The following TRMT10B variants were observed in gnomAD, a reference collection of about 807,000 sequenced individuals.
TRMT10B encodes the protein tRNA methyltransferase 10 homolog B.
A neutral mutation model predicts 43.8 loss-of-function variants in TRMT10B; 33 were observed. The ratio of observed to expected loss-of-function variants is 0.75; its 90% CI spans 0.57 to 1.01. TRMT10B has a LOEUF of 1.01. Ranked by LOEUF, TRMT10B falls within the 50% of genes least tolerant of loss-of-function variation. The probability of loss-of-function intolerance (pLI) is 0.00; values close to 1 mark genes in which losing one functional copy is unlikely to be tolerated. For synonymous variants in TRMT10B, 137 were observed against 130.6 expected (o/e 1.05, Z -0.34); for missense variants, 362 against 369.8 (o/e 0.98, Z 0.17).
intron 7 of TRMT10B, among the ~76,000 whole-genome samples, chr9:37,772,251 A>C (rs1331733094): frequency 6.6e-6 from 1 of 152,062 alleles, no homozygotes. Flanking sequence ...GGACTCAAGC[A>C]ATCTACTCAC....
chr9:37,768,964 T>G (rs576441029), intron 5 of TRMT10B, among the ~76,000 whole-genome samples: 1 of 152,302 alleles, frequency 6.6e-6, no homozygotes, highest in African/African-American at 2.4e-5. Flanking sequence ...CTTCGTGCCT[T>G]TCTTAGTCCC....
At position 37,777,696 on chromosome 9, in the gene TRMT10B, T is replaced by G. The variant is rs1233991809; in HGVS notation, c.940T>G (p.Ser314Ala). The G allele has an allele frequency of 2.5e-6, 4 of 1,613,698 alleles. No homozygotes were observed. The highest frequency in any genetic ancestry group is 3.4e-6 in the Non-Finnish European group (4 of 1,179,804). ...SSGKGYILRN[S>A]VE ...AGGAAAAGGCTATATTCTTCGGAAC[T>G]CAGTGGAATGATGGGCCTAAGATTG... Residue 314 changes from serine to alanine, a missense_variant, in exon 9 of 9, where the codon TCA (serine) becomes GCA (alanine). Physicochemically the swap from Ser to Ala is moderately conservative, Grantham distance 99 (BLOSUM62 1). Coordinates refer to ENST00000297994, the MANE Select transcript of TRMT10B (RefSeq NM_144964.4).
chr9:37,763,926 C>A, intron 4 of TRMT10B, 173 bp downstream of exon 4: 1 of 1,337,512 alleles, frequency 7.5e-7, no homozygotes, highest in Non-Finnish European at 1.0e-6. Context: ...TGTAACGAAC[C>A]TGGAAGAGAA....
Position 37,771,582 on chromosome 9 carries a change from C to T in TRMT10B, c.720+843C>T, listed in dbSNP as rs148713152. Among the ~76,000 whole-genome samples the T allele has an allele frequency of 3.7e-3, 566 of 152,264 alleles. 5 individuals carry two copies. The highest frequency in any genetic ancestry group is 0.013 in the African/African-American group (547 of 41,554). On this transcript the variant is annotated intron_variant, in intron 7 of 8. Coordinates refer to ENST00000297994, the MANE Select transcript of TRMT10B (RefSeq NM_144964.4). ...GACTCCATAGTGATCATCTAAAATA[C>T]GAGCAGGGGCTACTTACAGAAGAAT... is the stretch of plus-strand genomic sequence containing the variant.
intron 5 of TRMT10B, 33 bp from the exon 6 acceptor site, chr9:37,769,908 C>G (rs1301829345): frequency 1.3e-6 from 2 of 1,578,680 alleles, no homozygotes; most frequent in African/African-American, 2.7e-5. Flanking sequence ...CAGCCGTGAG[C>G]TGTTTTAACA....
Position 37,777,600 on chromosome 9 carries a change from G to C in TRMT10B, c.845-1G>C. The C allele has an allele frequency of 6.2e-7, 1 of 1,609,648 alleles. No individual in the cohort carries two copies. Among genetic ancestry groups the C allele is most frequent in the Non-Finnish European group, 8.5e-7 (1 of 1,176,126 alleles). ...TGTGTTTTCTGTTTACTCTCTAACA[G>C]TGTTTGATATCCTGTCCACTTACTT... On this transcript the variant is annotated splice_acceptor_variant, in intron 8 of 8. Coordinates refer to ENST00000297994, the MANE Select transcript of TRMT10B (RefSeq NM_144964.4). LOFTEE classifies it high-confidence loss of function.
intron 1 of TRMT10B, among the ~76,000 whole-genome samples, chr9:37,756,265 A>AGT (rs1277308088): frequency 6.6e-6 from 1 of 152,246 alleles, no homozygotes; most frequent in African/African-American, 2.4e-5. Context: ...TGAAGTTGTC[A>AGT]GTTAAAGATT....
intron 7 of TRMT10B, 152 bp from the exon 8 acceptor site, chr9:37,776,130 A>C: frequency 1.5e-6 from 1 of 650,512 alleles, no homozygotes; most frequent in South Asian, 4.0e-5. Flanking sequence ...CCAAAAAGTA[A>C]GATATTGTCA....
intron 3 of TRMT10B, among the ~76,000 whole-genome samples, chr9:37,763,154 A>AC (rs1349038705): frequency 5.8e-4 from 68 of 118,222 alleles, no homozygotes; most frequent in African/African-American, 1.6e-3. Context: ...AAAAAAAAAA[A>AC]AAAAAAAAAA....
Position 37,777,726 on chromosome 9 carries a change from T to C in TRMT10B, c.*19T>C. ...GGAATGATGGGCCTAAGATTGCAGCTGCGTGGCCAGGTGCTCACGCCGTAA... is the reference window on the plus strand; with the variant it reads ...GGAATGATGGGCCTAAGATTGCAGCCGCGTGGCCAGGTGCTCACGCCGTAA... On this transcript the variant is annotated 3_prime_UTR_variant, in exon 9 of 9. Coordinates refer to ENST00000297994, the MANE Select transcript of TRMT10B (RefSeq NM_144964.4). 6.2e-7 allele frequency: 1 copy of C among 1,602,956 alleles called. No individual in the cohort carries two copies. Among genetic ancestry groups the C allele is most frequent in the Non-Finnish European group, 8.5e-7 (1 of 1,170,020 alleles).
At chr9:37,777,135 G>A (rs1439642193) in intron 8 of TRMT10B, among the ~76,000 whole-genome samples, 3 of 138,072 alleles carry the variant, frequency 2.2e-5, no homozygotes, top group Admixed American at 1.5e-4. Context: ...TGCAGGTTGC[G>A]GTGAGCTGAG....
At chr9:37,760,794 T>C (rs139824097) in intron 1 of TRMT10B, among the ~76,000 whole-genome samples, 127 of 152,348 alleles carry the variant, frequency 8.3e-4, no homozygotes, top group African/African-American at 2.7e-3. Context: ...TTTTAAGATA[T>C]ATTTTTCATA....
intron 1 of TRMT10B, among the ~76,000 whole-genome samples, chr9:37,760,311 G>A (rs1170320378): frequency 1.3e-5 from 2 of 152,184 alleles, no homozygotes; most frequent in African/African-American, 4.8e-5. Flanking sequence ...GACAGTGTGA[G>A]ACTCCATCTC....
At chr9:37,765,772 T>G (rs1036793617) in intron 4 of TRMT10B, among the ~76,000 whole-genome samples, 3 of 152,158 alleles carry the variant, frequency 2.0e-5, no homozygotes, top group Admixed American at 6.5e-5. Flanking sequence ...TTTTAATGAT[T>G]GCCATTCTAA....
At chr9:37,758,817 AAC>A (rs996045421) in intron 1 of TRMT10B, among the ~76,000 whole-genome samples, 14 of 152,214 alleles carry the variant, frequency 9.2e-5, no homozygotes, top group African/African-American at 3.4e-4. Flanking sequence ...AGGGAAAAGA[AAC>A]ACACAAGCTA....
chr9:37,755,582 T>C (rs1387222499), intron 1 of TRMT10B, among the ~76,000 whole-genome samples: 1 of 152,246 alleles, frequency 6.6e-6, no homozygotes, highest in Non-Finnish European at 1.5e-5. Context: ...CCAGGCCTTA[T>C]GCCAGACAAC....
At chr9:37,763,143 C>CAAAAAAAAAAAAAAA (rs747893643) in intron 3 of TRMT10B, among the ~76,000 whole-genome samples, 13 of 50,178 alleles carry the variant, frequency 2.6e-4, no homozygotes, top group Non-Finnish European at 4.7e-4. Flanking sequence ...GACTCTGTCT[C>CAAAAAAAAAAAAAAA]AAAAAAAAAA....
chr9:37,756,577 G>A (rs1013139344), intron 1 of TRMT10B, among the ~76,000 whole-genome samples: 2 of 151,754 alleles, frequency 1.3e-5, no homozygotes, highest in Admixed American at 6.6e-5. Context: ...GTGGTGGTGC[G>A]TGCCCGTAGA....
intron 1 of TRMT10B, among the ~76,000 whole-genome samples, chr9:37,754,836 C>T (rs1825440749): frequency 6.6e-6 from 1 of 152,184 alleles, no homozygotes; most frequent in Non-Finnish European, 1.5e-5. Context: ...AATGAAATCT[C>T]ACTTCTTGAT....
Sources: allele counts gnomAD v4.1 joint callset (sites outside exome capture counted in the v4.1 genomes callset), GRCh38; gene constraint gnomAD v4.1.1; transcripts MANE v1.5; gene names NCBI Gene and HGNC (gene_info 2026-07-23, HGNC 2026-07-21).